The following TMEM245 variants were observed in gnomAD, a reference collection of about 807,000 sequenced individuals.
The protein encoded by TMEM245 is transmembrane protein 245.
Under a neutral mutation model 101.2 loss-of-function variants are expected in TMEM245, and 69 were observed. The observed-to-expected ratio is 0.68, with a 90% CI of 0.56 to 0.83. The LOEUF is 0.83. TMEM245 is among the 40% of genes least tolerant of loss of function. TMEM245 has a pLI of 0.00. For synonymous variants in TMEM245, 537 were observed against 449.8 expected (o/e 1.19, Z -2.45); for missense variants, 1,075 against 1,092.8 (o/e 0.98, Z 0.23).
intron 7 of TMEM245, among the ~76,000 whole-genome samples, chr9:109,084,471 T>C (rs1829777108): frequency 6.6e-6 from 1 of 152,242 alleles, no homozygotes; most frequent in African/African-American, 2.4e-5. Context: ...TTAGGTAATC[T>C]AGCTCATTTA....
chr9:109,050,080 A>G (rs576004825), intron 14 of TMEM245, among the ~76,000 whole-genome samples: 1 of 152,342 alleles, frequency 6.6e-6, no homozygotes, highest in Non-Finnish European at 1.5e-5. Flanking sequence ...GACATGAGCC[A>G]CTGTACCTGG....
chr9:109,108,368 A>G, intron 2 of TMEM245, 85 bp downstream of exon 2: 1 of 633,272 alleles, frequency 1.6e-6, no homozygotes. Flanking sequence ...TGACACTACA[A>G]AAAATTCACT....
At chr9:109,044,656 T>G (rs1271635865) in intron 14 of TMEM245, among the ~76,000 whole-genome samples, 1 of 152,120 alleles carries the variant, frequency 6.6e-6, no homozygotes, top group Non-Finnish European at 1.5e-5. Flanking sequence ...CCTTGACTGC[T>G]CTCTACATAT....
intron 8 of TMEM245, among the ~76,000 whole-genome samples, chr9:109,073,851 T>G (rs1829408321): frequency 7.5e-6 from 1 of 132,924 alleles, no homozygotes; most frequent in Non-Finnish European, 1.6e-5. Context: ...TAACTTTTTT[T>G]TTTTGTTTTT....
chr9:109,077,865 T>TCTGA (rs1223106855), intron 8 of TMEM245, among the ~76,000 whole-genome samples: 1 of 152,214 alleles, frequency 6.6e-6, no homozygotes, highest in African/African-American at 2.4e-5. Flanking sequence ...TTATATTCAG[T>TCTGA]CTGACAATGT....
intron 1 of TMEM245, among the ~76,000 whole-genome samples, chr9:109,115,930 A>T (rs958991292): frequency 2.6e-5 from 4 of 152,196 alleles, no homozygotes; most frequent in Non-Finnish European, 5.9e-5. Context: ...CAGGACTTCA[A>T]CTGCTGCTAG....
chr9:109,111,517 C>T (rs1161020922), intron 1 of TMEM245, among the ~76,000 whole-genome samples: 1 of 152,018 alleles, frequency 6.6e-6, no homozygotes, highest in Non-Finnish European at 1.5e-5. Context: ...GTATTTTCAT[C>T]TATCAACCTG....
chr9:109,118,611 C>G (rs888987515), intron 1 of TMEM245, among the ~76,000 whole-genome samples: 1 of 152,218 alleles, frequency 6.6e-6, no homozygotes, highest in Non-Finnish European at 1.5e-5. Context: ...CTACGTCTCT[C>G]CCCTTCACGC....
chr9:109,058,988 T>G (rs1186905929), intron 11 of TMEM245, among the ~76,000 whole-genome samples: 4 of 152,186 alleles, frequency 2.6e-5, no homozygotes, highest in Non-Finnish European at 5.9e-5. Flanking sequence ...CGATCACCCA[T>G]GATACTGGGG....
intron 16 of TMEM245, among the ~76,000 whole-genome samples, chr9:109,034,684 G>A (rs1424195146): frequency 6.6e-6 from 1 of 152,224 alleles, no homozygotes; most frequent in African/African-American, 2.4e-5. Context: ...GGGCTCAAGT[G>A]ATCCACCCAC....
intron 10 of TMEM245, among the ~76,000 whole-genome samples, chr9:109,062,106 G>A (rs1829034903): frequency 6.6e-6 from 1 of 152,138 alleles, no homozygotes; most frequent in Non-Finnish European, 1.5e-5. Context: ...CCAGACTCAA[G>A]CGATCCTGCC....
intron 1 of TMEM245, among the ~76,000 whole-genome samples, chr9:109,117,073 C>G (rs569950064): frequency 6.6e-6 from 1 of 151,942 alleles, no homozygotes; most frequent in Non-Finnish European, 1.5e-5. Context: ...TTTTTCCTTG[C>G]TCCCAACACT....
At chr9:109,038,451 C>A in intron 14 of TMEM245, 1 of 180,384 alleles carries the variant, frequency 5.5e-6, no homozygotes, top group Non-Finnish European at 1.1e-5. Context: ...TATTTCACCA[C>A]CAAAACAAAT....
chr9:109,111,321 T>C (rs1014664127), intron 1 of TMEM245, among the ~76,000 whole-genome samples: 2 of 152,100 alleles, frequency 1.3e-5, no homozygotes, highest in East Asian at 1.9e-4. Context: ...TGAACAGAGA[T>C]GACAAAGTAA....
At chr9:109,101,176 A>C (rs1464535036) in intron 3 of TMEM245, among the ~76,000 whole-genome samples, 1 of 152,236 alleles carries the variant, frequency 6.6e-6, no homozygotes. Flanking sequence ...CTAGGAACCA[A>C]ACTCAGGCTT....
intron 1 of TMEM245, among the ~76,000 whole-genome samples, chr9:109,117,215 T>C (rs1830747139): frequency 1.3e-5 from 2 of 152,086 alleles, no homozygotes; most frequent in South Asian, 4.2e-4. Context: ...GTTCAAGTGA[T>C]TCTTCTGCCT....
intron 12 of TMEM245, among the ~76,000 whole-genome samples, chr9:109,056,705 ACTGCCCT>A (rs1275079132): frequency 1.3e-5 from 2 of 152,180 alleles, no homozygotes; most frequent in African/African-American, 4.8e-5. Flanking sequence ...GCACAAGAAA[ACTGCCCT>A]CTGTGAAATT....
rs966069297 is a variant in TMEM245 at position 109,036,022 on chromosome 9, T to C, written c.2399+184A>G. The C allele has an allele frequency of 2.2e-5, 7 of 316,860 alleles. No homozygotes were observed. The Admixed American group carries it at 3.6e-4, about 16-fold the overall frequency. 19.6% of individuals were successfully genotyped at this position (316,860 alleles called of 1,614,324 possible). On this transcript the variant is annotated intron_variant, in intron 16 of 17. Transcript: ENST00000374586. ...AAAAAAAAAAAACCCCAAAATATCA[T>C]GCCTTGTAAACAATACTATTTTCAA...
chr9:109,058,053 T>C (rs867403528), intron 11 of TMEM245, among the ~76,000 whole-genome samples: 5 of 149,280 alleles, frequency 3.3e-5, no homozygotes, highest in African/African-American at 1.2e-4. Context: ...CAGGCTAGAG[T>C]GCAGTGGTGC....
Sources: gnomAD v4.1 joint callset for allele counts (sites outside exome capture counted in the v4.1 genomes callset) on GRCh38, gnomAD v4.1.1 for gene constraint, MANE v1.5 for transcripts, NCBI Gene and HGNC (gene_info 2026-07-23, HGNC 2026-07-21) for gene names.